STARD13: variants seen among roughly 807,000 people sequenced by gnomAD.
The protein encoded by STARD13 is stAR-related lipid transfer protein 13.
STARD13 carries 62 observed loss-of-function variants against 106.4 expected under a neutral mutation model. The observed-to-expected ratio is 0.58, with a 90% CI of 0.48 to 0.72. The LOEUF is 0.72. Ranked by LOEUF, STARD13 falls within the 30% of genes least tolerant of loss-of-function variation. The pLI is 0.00. For missense variants in STARD13, 1,387 were observed against 1,424.0 expected (o/e 0.97, Z 0.42); for synonymous variants, 565 against 553.0 (o/e 1.02, Z -0.31).
At chr13:33,150,965 C>A (rs1001828564) in intron 3 of STARD13, among the ~76,000 whole-genome samples, 1 of 152,056 alleles carries the variant, frequency 6.6e-6, no homozygotes, top group Admixed American at 6.6e-5. Flanking sequence ...AGATATGGTC[C>A]CTGCCCTTGA....
At chr13:33,266,279 G>A (rs1204439934) in intron 1 of STARD13, among the ~76,000 whole-genome samples, 1 of 152,206 alleles carries the variant, frequency 6.6e-6, no homozygotes, top group Non-Finnish European at 1.5e-5. Context: ...AGGATTACAT[G>A]ACATAATTAT....
chr13:33,638,117 A>C, the STARD13 span, among the ~76,000 whole-genome samples: 2 of 152,216 alleles, frequency 1.3e-5, no homozygotes, highest in Admixed American at 6.5e-5. Context: ...ATGAGTGACT[A>C]ATGGCCCATG....
At chr13:33,298,917 A>G (rs2138456916) in intron 1 of STARD13, among the ~76,000 whole-genome samples, 1 of 152,240 alleles carries the variant, frequency 6.6e-6, no homozygotes, top group East Asian at 1.9e-4. Flanking sequence ...ATTCCATAGA[A>G]TAGCCTTACA....
chr13:33,264,822 A>G (rs1890816938), intron 1 of STARD13, among the ~76,000 whole-genome samples: 1 of 152,170 alleles, frequency 6.6e-6, no homozygotes, highest in African/African-American at 2.4e-5. Context: ...GGGTGTGACC[A>G]TGACCTGCCA....
chr13:33,112,009 T>G, intron 9 of STARD13, 117 bp from the exon 10 acceptor site: 1 of 625,678 alleles, frequency 1.6e-6, no homozygotes. Context: ...CCCAGGCTTT[T>G]GCGTTTCCAA....
chr13:33,305,467 G>A (rs1892871480), intron 1 of STARD13, among the ~76,000 whole-genome samples: 1 of 152,136 alleles, frequency 6.6e-6, no homozygotes, highest in Non-Finnish European at 1.5e-5. Context: ...ATCAAGATTT[G>A]TTTATTATTA....
At chr13:33,576,617 C>A in the STARD13 span, among the ~76,000 whole-genome samples, 1 of 152,074 alleles carries the variant, frequency 6.6e-6, no homozygotes, top group Non-Finnish European at 1.5e-5. Context: ...AAACAAAAAA[C>A]CACATATCAG....
chr13:33,345,651 T>G (rs1491000574), downstream of STARD13, among the ~76,000 whole-genome samples: 3 of 152,150 alleles, frequency 2.0e-5, no homozygotes, highest in African/African-American at 7.2e-5. Flanking sequence ...CTAGTGGAAA[T>G]TTAGCAACTG....
At chr13:33,670,810 C>T in the STARD13 span, among the ~76,000 whole-genome samples, 2 of 152,190 alleles carry the variant, frequency 1.3e-5, no homozygotes, top group Non-Finnish European at 2.9e-5. Flanking sequence ...TGCCTCATTG[C>T]ATTAGCTAGG....
At chr13:33,206,641 T>A (rs1366139367) in intron 1 of STARD13, among the ~76,000 whole-genome samples, 1 of 152,188 alleles carries the variant, frequency 6.6e-6, no homozygotes, top group Non-Finnish European at 1.5e-5. Context: ...CATTTCAGGT[T>A]CCAGATGAGA....
intron 1 of STARD13, among the ~76,000 whole-genome samples, chr13:33,323,344 G>C (rs577092922): frequency 6.6e-6 from 1 of 152,086 alleles, no homozygotes. Flanking sequence ...CAGCTCAAAC[G>C]CTATTCCTCA....
chr13:33,249,574 T>A lies in STARD13; in HGVS notation c.169+35896A>T, dbSNP rs535314547. Among the ~76,000 whole-genome samples, 43 of 152,288 alleles carry A rather than the reference T, an allele frequency of 2.8e-4. 3 individuals carry two copies. The South Asian group carries it at 8.1e-3, about 29-fold the overall frequency. On this transcript the variant is annotated intron_variant, in intron 1 of 13. Coordinates refer to ENST00000336934, the MANE Select transcript of STARD13 (RefSeq NM_178006.4). ...ATATTATTTCTAATCCCTGCAACAA[T>A]CGTACAATGCAGATATTAGTATACC... is the stretch of plus-strand genomic sequence containing the variant.
the STARD13 span, among the ~76,000 whole-genome samples, chr13:33,400,653 CG>C: frequency 6.6e-6 from 1 of 151,944 alleles, no homozygotes; most frequent in Non-Finnish European, 1.5e-5. Context: ...TTACTAGAGA[CG>C]GGGTTTCACT....
chr13:33,431,991 G>A, the STARD13 span, among the ~76,000 whole-genome samples: 3 of 152,140 alleles, frequency 2.0e-5, no homozygotes, highest in Admixed American at 2.0e-4. Context: ...GATCCGGCCC[G>A]GTGAACCTGA....
chr13:33,180,333 C>A (rs1483050294), intron 1 of STARD13: 1 of 152,186 alleles, frequency 6.6e-6, no homozygotes, highest in Non-Finnish European at 1.5e-5. Flanking sequence ...TTACAACGTG[C>A]TTACCAGTTA....
intron 1 of STARD13, among the ~76,000 whole-genome samples, chr13:33,226,014 T>C (rs1036489424): frequency 1.3e-5 from 2 of 152,196 alleles, no homozygotes; most frequent in Admixed American, 6.5e-5. Flanking sequence ...AGTTAAGTCC[T>C]TATAAGAAGA....
chr13:33,304,891 G>T (rs951485965), intron 1 of STARD13, among the ~76,000 whole-genome samples: 2 of 152,082 alleles, frequency 1.3e-5, no homozygotes, highest in Non-Finnish European at 2.9e-5. Flanking sequence ...ATCTACCATG[G>T]GTTTGAGGCT....
chr13:33,632,123 A>G, the STARD13 span, among the ~76,000 whole-genome samples: 1 of 152,262 alleles, frequency 6.6e-6, no homozygotes, highest in African/African-American at 2.4e-5. Flanking sequence ...CTATCCATCT[A>G]TAGTTAATAC....
At chr13:33,609,675 T>G in the STARD13 span, among the ~76,000 whole-genome samples, 1 of 151,806 alleles carries the variant, frequency 6.6e-6, no homozygotes, top group African/African-American at 2.4e-5. Flanking sequence ...CACGTCATTC[T>G]CCTGCCTCAG....
Sources: gnomAD v4.1 joint callset for allele counts (sites outside exome capture counted in the v4.1 genomes callset) on GRCh38, gnomAD v4.1.1 for gene constraint, MANE v1.5 for transcripts, NCBI Gene and HGNC (gene_info 2026-07-23, HGNC 2026-07-21) for gene names.